SGF29: variants seen among roughly 807,000 people sequenced by gnomAD.
SGF29 encodes SAGA complex associated factor 29.
SGF29 carries 15 observed loss-of-function variants against 38.1 expected under a neutral mutation model. The observed-to-expected ratio is 0.39, with a 90% confidence interval of 0.26 to 0.61. The LOEUF is 0.61. SGF29 is among the 20% of genes least tolerant of loss of function. The probability of loss-of-function intolerance (pLI) is 0.49; values close to 1 mark genes in which losing one functional copy is unlikely to be tolerated. For synonymous variants in SGF29, 151 were observed against 160.8 expected (o/e 0.94, Z 0.46); for missense variants, 184 against 394.6 (o/e 0.47, Z 4.52).
intron 1 of SGF29, among the ~76,000 whole-genome samples, chr16:28,564,707 A>G (rs1348199278): frequency 0.02 from 931 of 47,076 alleles, 38 homozygotes; most frequent in African/African-American, 0.043. Context: ...GTATATATAT[A>G]CATATATATG....
chr16:28,559,130 A>G (rs1033464221), intron 1 of SGF29, among the ~76,000 whole-genome samples: 1 of 152,070 alleles, frequency 6.6e-6, no homozygotes, highest in South Asian at 2.1e-4. Flanking sequence ...GACCAGCCTG[A>G]GCAATATGAT....
intron 2 of SGF29, among the ~76,000 whole-genome samples, chr16:28,581,545 T>A (rs2046926075): frequency 6.6e-6 from 1 of 152,050 alleles, no homozygotes; most frequent in Non-Finnish European, 1.5e-5. Flanking sequence ...AAACACTCTT[T>A]TTTTTTTGGA....
chr16:28,571,728 A>C (rs1000235224), intron 1 of SGF29, among the ~76,000 whole-genome samples: 4 of 152,190 alleles, frequency 2.6e-5, no homozygotes, highest in African/African-American at 9.7e-5. Flanking sequence ...TTTCAAAAAA[A>C]GTTTGGAAGA....
chr16:28,591,545 G>A, intron 9 of SGF29, 45 bp from the exon 10 acceptor site: 1 of 1,407,752 alleles, frequency 7.1e-7, no homozygotes, highest in Non-Finnish European at 1.0e-6. Flanking sequence ...GCCTGTCCTG[G>A]CCTGGGGGTC....
chr16:28,568,146 C>G lies in SGF29; in HGVS notation c.-15-12909C>G, dbSNP rs184900164. On this transcript the variant is annotated intron_variant, in intron 1 of 9. Transcript: ENST00000317058. Reference sequence around the variant, plus strand: ...TGACCAACATGGTGAAACCCCATCTCTACTAAAAATACAAAAATTAGCCAG... The same window carrying G: ...TGACCAACATGGTGAAACCCCATCTGTACTAAAAATACAAAAATTAGCCAG... Among the ~76,000 whole-genome samples, 1,220 of 151,592 alleles carry G rather than the reference C, an allele frequency of 8.0e-3. 10 individuals are homozygous for G. The highest frequency in any genetic ancestry group is 0.013 in the Non-Finnish European group (852 of 67,874).
Position 28,575,555 on chromosome 16 carries a change from G to A in SGF29, c.-15-5500G>A, listed in dbSNP as rs374130207. Among the ~76,000 whole-genome samples, 29 of 152,254 alleles carry A rather than the reference G, an allele frequency of 1.9e-4. 5 individuals are homozygous for A. Among genetic ancestry groups the A allele is most frequent in the Admixed American group, 1.1e-3 (17 of 15,290 alleles). ...AAAAATTAGCTGGGCTTTGTGGTGC[G>A]TGCCTTGTAATCCCAGCTACTCAGG... On this transcript the variant is annotated intron_variant, in intron 1 of 9. Transcript: ENST00000317058.
At chr16:28,561,090 CAGT>C (rs1237520303) in intron 1 of SGF29, among the ~76,000 whole-genome samples, 1 of 151,898 alleles carries the variant, frequency 6.6e-6, no homozygotes, top group African/African-American at 2.4e-5. Flanking sequence ...AAATTTAAAG[CAGT>C]TATTAAAACT....
chr16:28,582,298 T>G (rs1309733636), intron 2 of SGF29, among the ~76,000 whole-genome samples: 1 of 151,988 alleles, frequency 6.6e-6, no homozygotes, highest in African/African-American at 2.4e-5. Context: ...GCCAGGGCCT[T>G]GGGAGAGATA....
chr16:28,585,087 T>C (rs559782787), intron 3 of SGF29, 99 bp downstream of exon 3: 1 of 849,796 alleles, frequency 1.2e-6, no homozygotes, highest in African/African-American at 1.7e-5. Context: ...AAAATAGATT[T>C]GCATGTATCT....
chr16:28,558,665 C>T (rs1029572415), intron 1 of SGF29, among the ~76,000 whole-genome samples: 1 of 152,146 alleles, frequency 6.6e-6, no homozygotes, highest in African/African-American at 2.4e-5. Context: ...AATTCTTCAA[C>T]AGATGAGTGG....
intron 1 of SGF29, among the ~76,000 whole-genome samples, chr16:28,555,756 C>T (rs1010945098): frequency 6.6e-6 from 1 of 152,210 alleles, no homozygotes; most frequent in African/African-American, 2.4e-5. Context: ...TAAAGTTAAC[C>T]ATCACATTTC....
At chr16:28,589,280 T>C (rs2046973071) in intron 5 of SGF29, 116 bp downstream of exon 5, 1 of 1,013,750 alleles carries the variant, frequency 9.9e-7, no homozygotes, top group Non-Finnish European at 1.5e-6. Context: ...CATCCTCCCA[T>C]GGAGGCTCTG....
chr16:28,581,388 C>T lies in SGF29; in HGVS notation c.75+244C>T, dbSNP rs147388844. 7.7e-4 allele frequency among the ~76,000 whole-genome samples: 117 copies of T among 152,272 alleles called. No homozygotes were observed. In the East Asian group the frequency reaches 0.018, roughly 24 times the overall value. ...GAGATAGAATTCACATGCCATACAACGCACCCATTTAAAGTGTATAATCCA... is the reference window on the plus strand; with the variant it reads ...GAGATAGAATTCACATGCCATACAATGCACCCATTTAAAGTGTATAATCCA... On this transcript the variant is annotated intron_variant, in intron 2 of 9. Transcript: ENST00000317058.
At chr16:28,559,898 A>G (rs1334511201) in intron 1 of SGF29, among the ~76,000 whole-genome samples, 1 of 152,172 alleles carries the variant, frequency 6.6e-6, no homozygotes, top group Admixed American at 6.6e-5. Context: ...AGAGTCTACA[A>G]CACATCATCT....
chr16:28,571,839 T>TA (rs954840527), intron 1 of SGF29, among the ~76,000 whole-genome samples: 17 of 152,180 alleles, frequency 1.1e-4, no homozygotes, highest in Non-Finnish European at 5.9e-5. Flanking sequence ...AAGTGCCTGC[T>TA]AAGTCCCTGA....
At chr16:28,554,733 C>T (rs1003511405) in intron 1 of SGF29, among the ~76,000 whole-genome samples, 4 of 152,202 alleles carry the variant, frequency 2.6e-5, no homozygotes, top group East Asian at 3.9e-4. Flanking sequence ...TGCCTTTTCT[C>T]CTCCAAGTCT....
rs779531336 is a variant in SGF29 at position 28,591,709 on chromosome 16, C to G, written c.*3C>G. 3.1e-6 allele frequency: 5 copies of G among 1,601,776 alleles called. No individual in the cohort carries two copies. The highest frequency in any genetic ancestry group is 1.7e-5 in the Admixed American group (1 of 59,960). On this transcript the variant is annotated 3_prime_UTR_variant, in exon 10 of 10. Transcript: ENST00000317058. Reference sequence around the variant, plus strand: ...GTAAGGAACCCAAGAAAAAGTGATGCCGCCTGGCAGACTCGCCATCCCCCA... The same window carrying G: ...GTAAGGAACCCAAGAAAAAGTGATGGCGCCTGGCAGACTCGCCATCCCCCA...
At chr16:28,578,684 TA>T (rs11300836) in intron 1 of SGF29, among the ~76,000 whole-genome samples, 135,076 of 139,020 alleles carry the variant, frequency 0.97, 65,701 homozygotes, top group Middle Eastern at 1. Context: ...TGAACAACTT[TA>T]AAAAAAAAAA....
At chr16:28,570,087 G>A (rs2046856284) in intron 1 of SGF29, among the ~76,000 whole-genome samples, 1 of 152,168 alleles carries the variant, frequency 6.6e-6, no homozygotes, top group African/African-American at 2.4e-5. Context: ...AGAGCTATGG[G>A]GGTAGGGTTG....
Sources: gnomAD v4.1 joint callset for allele counts (sites outside exome capture counted in the v4.1 genomes callset) on GRCh38, gnomAD v4.1.1 for gene constraint, MANE v1.5 for transcripts, NCBI Gene and HGNC (gene_info 2026-07-23, HGNC 2026-07-21) for gene names.